The following ZC3H7A variants were observed in gnomAD, a reference collection of about 807,000 sequenced individuals.
ZC3H7A encodes zinc finger CCCH domain-containing protein 7A.
In ZC3H7A, 44 loss-of-function variants were observed where a neutral mutation model predicts 125.5. The observed-to-expected ratio is 0.35, with a 90% confidence interval of 0.28 to 0.45. ZC3H7A has a LOEUF of 0.45. Ranked by LOEUF, ZC3H7A falls within the 20% of genes least tolerant of loss-of-function variation. ZC3H7A has a pLI of 1.00. For synonymous variants in ZC3H7A, 399 were observed against 391.2 expected, an observed-to-expected ratio of 1.02 and a Z score of -0.23; for missense variants, 977 against 1,170.7, an observed-to-expected ratio of 0.83 and a Z score of 2.41.
intron 1 of ZC3H7A, among the ~76,000 whole-genome samples, chr16:11,793,847 AG>A (rs1342718374): frequency 6.6e-6 from 1 of 152,214 alleles, no homozygotes. Context: ...ATTTCATGAG[AG>A]ACAGTATGCC....
At chr16:11,762,875 G>A in intron 16 of ZC3H7A, 128 bp from the exon 17 acceptor site, 2 of 751,560 alleles carry the variant, frequency 2.7e-6, no homozygotes, top group South Asian at 1.7e-5. Context: ...CCATCAGCAA[G>A]GATGAATACC....
chr16:11,774,679 C>G (rs539948899), intron 8 of ZC3H7A, among the ~76,000 whole-genome samples, 160 bp from the exon 9 acceptor site: 1 of 152,176 alleles, frequency 6.6e-6, no homozygotes, highest in African/African-American at 2.4e-5. Context: ...GATACAGTCA[C>G]GTGTGAAAAC....
At chr16:11,779,399 T>C in intron 3 of ZC3H7A, 36 bp from the exon 4 acceptor site, 1 of 1,577,876 alleles carries the variant, frequency 6.3e-7, no homozygotes, top group Non-Finnish European at 8.6e-7. Flanking sequence ...AAGCCTTTTA[T>C]CAAACAAGAT....
rs368731907 is a variant in ZC3H7A at position 11,782,339 on chromosome 16, C to T, written c.16G>A (p.Glu6Lys). 18 of 1,614,012 alleles carry T rather than the reference C, an allele frequency of 1.1e-5. No homozygotes were observed. Among genetic ancestry groups the T allele is most frequent in the African/African-American group, 1.3e-5 (1 of 74,910 alleles). MSNVS[E>K]ERRKRQQNIK... The stretch of plus-strand genomic sequence containing the variant: ...TTCTGCTGCCTTTTTCTTCTCTCCT[C>T]GGACACATTGGACATGTTATCCCAC... The change falls in exon 2 of 23, where the codon GAG becomes AAG. Residue 6 changes from glutamate to lysine, a missense_variant. Coordinates refer to ENST00000355758, the MANE Select transcript of ZC3H7A (RefSeq NM_014153.4).
At chr16:11,756,779 T>TA in intron 20 of ZC3H7A, among the ~76,000 whole-genome samples, 1 of 152,170 alleles carries the variant, frequency 6.6e-6, no homozygotes, top group East Asian at 1.9e-4. Flanking sequence ...TTGGAGCTGA[T>TA]ACACTCCTCA....
chr16:11,757,726 T>C (rs1200304241), intron 20 of ZC3H7A, among the ~76,000 whole-genome samples: 1 of 152,132 alleles, frequency 6.6e-6, no homozygotes, highest in Admixed American at 6.5e-5. Flanking sequence ...CCGGACTACA[T>C]AGCCTCACTC....
In ZC3H7A at chr16:11,767,557, G is replaced by T; in HGVS notation, c.1382C>A (p.Thr461Asn). 6.3e-7 allele frequency: 1 copy of T among 1,588,356 alleles called. No individual in the cohort carries two copies. The change falls in exon 13 of 23, where the codon ACT (threonine) becomes AAT (asparagine). Residue 461 changes from threonine to asparagine, a missense_variant. This residue lies in a region of ZC3H7A where 342 missense variants were observed against 311.3 expected (regional missense o/e 1.10). Transcript: ENST00000355758. ...VKSGPKLMDF[T>N]YHANIDHKCK... Reference sequence around the variant, plus strand: ...CTTATGATCTATGTTAGCATGGTAAGTGAAATCCATTAACTTAGGGCCTGA... The same window carrying T: ...CTTATGATCTATGTTAGCATGGTAATTGAAATCCATTAACTTAGGGCCTGA...
At chr16:11,766,559 C>A (rs1464804456) in intron 13 of ZC3H7A, among the ~76,000 whole-genome samples, 2 of 152,070 alleles carry the variant, frequency 1.3e-5, no homozygotes, top group African/African-American at 4.8e-5. Flanking sequence ...GAGCGAGACT[C>A]TGTCACAAAA....
At position 11,765,072 on chromosome 16, in the gene ZC3H7A, G is replaced by A; in HGVS notation, c.1801C>T (p.His601Tyr). Residue 601 changes from histidine (H) to tyrosine (Y), a missense_variant, in exon 15 of 23, where the codon CAT (histidine) becomes TAT (tyrosine). His to Tyr is a moderately conservative substitution (Grantham distance 83). Around this residue, in one of 3 missense-constraint regions of ZC3H7A, gnomAD observed 436 missense variants for 603.2 expected, o/e 0.72. Transcript: ENST00000355758. The surrounding 1 kb of genome is among the most constrained non-coding windows in gnomAD (Gnocchi z 4.8). Reference sequence around the variant, plus strand: ...ACATACTTATTGTCTTCAAACTCATGCTTTGTAACCGGGTGAGAACAAGCA... The same window carrying A: ...ACATACTTATTGTCTTCAAACTCATACTTTGTAACCGGGTGAGAACAAGCA... ...STACSHPVTKHEFEDNKCLVH... is the reference protein window; with the variant it reads ...STACSHPVTKYEFEDNKCLVH... The A allele has an allele frequency of 6.3e-7, 1 of 1,582,380 alleles. No homozygotes were observed.
chr16:11,774,803 C>G (rs1567385641), intron 8 of ZC3H7A, among the ~76,000 whole-genome samples, 177 bp downstream of exon 8: 1 of 152,172 alleles, frequency 6.6e-6, no homozygotes, highest in Non-Finnish European at 1.5e-5. Context: ...TTTTCAGTCA[C>G]TCACTGGCAC....
intron 1 of ZC3H7A, among the ~76,000 whole-genome samples, chr16:11,794,163 C>T (rs147577150): frequency 5.0e-4 from 76 of 152,300 alleles, no homozygotes; most frequent in African/African-American, 1.7e-3. Context: ...ACTGATACCA[C>T]CACGATGTAC....
intron 1 of ZC3H7A, among the ~76,000 whole-genome samples, chr16:11,787,960 A>T (rs1193859555): frequency 2.0e-5 from 3 of 152,114 alleles, no homozygotes; most frequent in African/African-American, 7.2e-5. Flanking sequence ...AGAAAAAAAA[A>T]AAAGCACAGG....
chr16:11,771,288 T>C (rs2052976721), intron 9 of ZC3H7A, among the ~76,000 whole-genome samples: 1 of 151,736 alleles, frequency 6.6e-6, no homozygotes, highest in Admixed American at 6.6e-5. Context: ...CTCAGGAGGC[T>C]GAGGCAGGAG....
chr16:11,783,310 A>T (rs970920365), intron 1 of ZC3H7A, among the ~76,000 whole-genome samples: 6 of 152,164 alleles, frequency 3.9e-5, no homozygotes, highest in African/African-American at 1.4e-4. Flanking sequence ...AACACTTGCA[A>T]ATGTCAACAC....
Position 11,768,520 on chromosome 16 carries a change from G to GAAAAAA in ZC3H7A, c.1174-25_1174-20dup. 3.5e-6 allele frequency: 4 copies of GAAAAAA among 1,148,670 alleles called. No homozygotes were observed. The highest frequency in any genetic ancestry group is 3.0e-5 in the East Asian group (1 of 32,908). 71.2% of individuals were successfully genotyped at this position (1,148,670 alleles called of 1,614,324 possible). On this transcript the variant is annotated intron_variant, in intron 11 of 22. Coordinates refer to ENST00000355758, the MANE Select transcript of ZC3H7A (RefSeq NM_014153.4). Reference sequence around the variant, plus strand: ...CATTCATCTGCAAGAAAAATAAGAAGAAAAAAAAAAAAAACAGCCAACAAA... The same window carrying GAAAAAA: ...CATTCATCTGCAAGAAAAATAAGAAGAAAAAAAAAAAAAAAAAAAACAGCCAACAAA...
At chr16:11,784,424 T>C (rs1381519396) in intron 1 of ZC3H7A, among the ~76,000 whole-genome samples, 1 of 152,144 alleles carries the variant, frequency 6.6e-6, no homozygotes, top group Admixed American at 6.5e-5. Context: ...AAAAGATTTT[T>C]TAAATTAACT....
At position 11,774,313 on chromosome 16, in the gene ZC3H7A, C is replaced by T; in HGVS notation, c.826G>A (p.Asp276Asn). 6.2e-7 allele frequency: 1 copy of T among 1,614,004 alleles called. No homozygotes were observed. The highest frequency in any genetic ancestry group is 8.5e-7 in the Non-Finnish European group (1 of 1,179,920). ...MPFTMPEAFL[D>N]DGDMVLGDEL... ...TCTCCAAGGACCATATCTCCATCATCTAGAAAAGCTTCTGGCATAGTGAAG... is the reference window on the plus strand; with the variant it reads ...TCTCCAAGGACCATATCTCCATCATTTAGAAAAGCTTCTGGCATAGTGAAG... The change falls in exon 9 of 23, where the codon GAT becomes AAT. Residue 276 changes from aspartate (D) to asparagine (N), a missense_variant. This residue lies in a region of ZC3H7A where 342 missense variants were observed against 311.3 expected (regional missense o/e 1.10). Transcript: ENST00000355758.
rs778458187 is a variant in ZC3H7A at position 11,752,814 on chromosome 16, T to A, written c.2581A>T (p.Met861Leu). The A allele has an allele frequency of 6.2e-7, 1 of 1,613,086 alleles. No homozygotes were observed. The highest frequency in any genetic ancestry group is 8.5e-7 in the Non-Finnish European group (1 of 1,179,788). Residue 861 changes from methionine (M) to leucine (L), a missense_variant, in exon 22 of 23, where the codon ATG becomes TTG. Physicochemically the swap from Met to Leu is conservative, Grantham distance 15. Coordinates refer to ENST00000355758, the MANE Select transcript of ZC3H7A (RefSeq NM_014153.4). ...TCACTGTTGCAGTTTTTCCCACACA[T>A]CCAGCAGTGAAAGTCCACCTAATGT... ...AEVTVDFHCW[M>L]CGKNCNSEKQ... is the part of the protein sequence containing the mutation.
At chr16:11,777,849 G>A (rs557358120) in intron 4 of ZC3H7A, among the ~76,000 whole-genome samples, 8 of 151,350 alleles carry the variant, frequency 5.3e-5, no homozygotes, top group Non-Finnish European at 1.0e-4. Context: ...GAGACACCCC[G>A]TCTCTACTAA....
Sources: gnomAD v4.1 joint callset for allele counts (sites outside exome capture counted in the v4.1 genomes callset) on GRCh38, gnomAD v4.1.1 for gene constraint, gnomAD v4.1.1 regional missense constraint, Gnocchi (gnomAD v3.1) non-coding constraint, MANE v1.5 for transcripts, NCBI Gene and HGNC (gene_info 2026-07-23, HGNC 2026-07-21) for gene names.